Variants in MED15 observed in about 807,000 individuals in gnomAD.
The protein encoded by MED15 is mediator of RNA polymerase II transcription subunit 15.
MED15 carries 41 observed loss-of-function variants against 118.7 expected under a neutral mutation model. That is an observed-to-expected ratio of 0.35 (90% confidence interval 0.27 to 0.45). The LOEUF (loss-of-function observed/expected upper bound fraction) is 0.45. Among genes scored for constraint, MED15 ranks in the 20% least tolerant of loss-of-function variants. The pLI, the probability that MED15 is intolerant of heterozygous loss-of-function variation, is 1.00. For synonymous variants in MED15, 436 were observed against 413.9 expected (o/e 1.05, Z -0.65); for missense variants, 740 against 1,025.5 (o/e 0.72, Z 3.80).
chr22:20,579,576 G>A (rs533176321), intron 9 of MED15, among the ~76,000 whole-genome samples: 1 of 152,102 alleles, frequency 6.6e-6, no homozygotes, highest in Admixed American at 6.5e-5. Flanking sequence ...CTTGCCTGAG[G>A]GTTCCTCTGT....
chr22:20,575,040 GC>G, intron 8 of MED15, 72 bp from the exon 9 acceptor site: 1 of 1,596,700 alleles, frequency 6.3e-7, no homozygotes, highest in Non-Finnish European at 8.5e-7. Context: ...GGCTACACGT[GC>G]CCTCTCCACC....
At chr22:20,533,893 C>T (rs376813199) in intron 1 of MED15, among the ~76,000 whole-genome samples, 3 of 152,284 alleles carry the variant, frequency 2.0e-5, no homozygotes, top group African/African-American at 4.8e-5. Context: ...AGAGCTATTG[C>T]ACTAAGCTGT....
intron 14 of MED15, 200 bp from the exon 15 acceptor site, chr22:20,584,655 G>T: frequency 1.2e-6 from 1 of 843,130 alleles, no homozygotes; most frequent in Non-Finnish European, 1.8e-6. Flanking sequence ...TTTCAGAGGA[G>T]GCAGGGACTG....
chr22:20,554,820 G>A (rs2055924439), intron 4 of MED15, 116 bp from the exon 5 acceptor site: 1 of 1,002,262 alleles, frequency 1.0e-6, no homozygotes, highest in Non-Finnish European at 1.5e-6. Flanking sequence ...TTGGGGCTGT[G>A]AGGGGATTGA....
intron 8 of MED15, among the ~76,000 whole-genome samples, chr22:20,572,720 A>T (rs1268690544): frequency 6.6e-6 from 1 of 152,180 alleles, no homozygotes; most frequent in Non-Finnish European, 1.5e-5. Context: ...GGAGTTCAAA[A>T]CTATCCTGGG....
chr22:20,531,657 C>G (rs1003131962), intron 1 of MED15, among the ~76,000 whole-genome samples: 4 of 152,254 alleles, frequency 2.6e-5, no homozygotes, highest in Admixed American at 1.3e-4. Context: ...CGTGTCCCAT[C>G]AAAATGCATG....
chr22:20,550,282 A>G (rs1037049935), intron 2 of MED15, among the ~76,000 whole-genome samples: 1 of 152,142 alleles, frequency 6.6e-6, no homozygotes, highest in Non-Finnish European at 1.5e-5. Context: ...GGGCGTGTTG[A>G]CAGAACTGCC....
At chr22:20,539,884 C>T (rs79860789) in intron 2 of MED15, among the ~76,000 whole-genome samples, 5,515 of 152,102 alleles carry the variant, frequency 0.036, 302 homozygotes, top group African/African-American at 0.13. Context: ...GGAGTAATGT[C>T]TATTCAGATC....
intron 7 of MED15, among the ~76,000 whole-genome samples, chr22:20,568,311 A>T (rs890262918): frequency 6.6e-6 from 1 of 152,170 alleles, no homozygotes; most frequent in African/African-American, 2.4e-5. Flanking sequence ...GAGACATCCC[A>T]GTGGGAGGGC....
chr22:20,512,786 A>T (rs5756605), intron 1 of MED15, among the ~76,000 whole-genome samples: 8,851 of 142,982 alleles, frequency 0.062, 613 homozygotes, highest in East Asian at 0.38. Flanking sequence ...ACAGAGTCTC[A>T]CTCTGGAGTG....
At chr22:20,585,684 G>C in intron 16 of MED15, 44 bp from the exon 17 acceptor site, 1 of 1,582,322 alleles carries the variant, frequency 6.3e-7, no homozygotes, top group African/African-American at 1.3e-5. Flanking sequence ...GGCAGGGCAG[G>C]CCGGGGCTTG....
At chr22:20,520,802 A>G (rs767323984) in intron 1 of MED15, among the ~76,000 whole-genome samples, 3 of 152,020 alleles carry the variant, frequency 2.0e-5, no homozygotes, top group Non-Finnish European at 4.4e-5. Context: ...CAGTGGTACA[A>G]TCTCGGCTAA....
intron 4 of MED15, among the ~76,000 whole-genome samples, chr22:20,553,604 G>C (rs1435159646): frequency 3.3e-5 from 5 of 152,180 alleles, no homozygotes; most frequent in Non-Finnish European, 7.3e-5. Context: ...TGGGTGCTGT[G>C]GCTCATGCCT....
At chr22:20,514,761 A>G (rs1270668060) in intron 1 of MED15, among the ~76,000 whole-genome samples, 1 of 152,194 alleles carries the variant, frequency 6.6e-6, no homozygotes, top group Non-Finnish European at 1.5e-5. Context: ...CTTCAGAAGG[A>G]TAGGGAGTGC....
At chr22:20,527,756 G>A (rs553040363) in intron 1 of MED15, among the ~76,000 whole-genome samples, 13 of 152,126 alleles carry the variant, frequency 8.5e-5, no homozygotes, top group African/African-American at 2.9e-4. Context: ...TCAGGAGTTC[G>A]AGACTAGCCT....
At chr22:20,573,408 G>C (rs1375979292) in intron 8 of MED15, among the ~76,000 whole-genome samples, 1 of 152,200 alleles carries the variant, frequency 6.6e-6, no homozygotes, top group Non-Finnish European at 1.5e-5. Context: ...ATGTGGCATT[G>C]CTGATTCACA....
intron 1 of MED15, among the ~76,000 whole-genome samples, chr22:20,517,603 A>T (rs2054298782): frequency 6.6e-6 from 1 of 152,102 alleles, no homozygotes; most frequent in African/African-American, 2.4e-5. Flanking sequence ...TTGAAGGCTT[A>T]TCTCCTCCTA....
chr22:20,507,664 A>G lies in MED15; in HGVS notation c.-15A>G, dbSNP rs747160343. The G allele has an allele frequency of 6.1e-5, 99 of 1,613,786 alleles. No individual in the cohort carries two copies. Among genetic ancestry groups the G allele is most frequent in the Middle Eastern group, 1.7e-4 (1 of 6,060 alleles). On this transcript the variant is annotated 5_prime_UTR_variant, in exon 1 of 18. Coordinates refer to ENST00000263205, the MANE Select transcript of MED15 (RefSeq NM_001003891.3). ...GGCCAAGCGGGATACGGGCGGCGGG[A>G]GCTGGGGAACAGGCATGGACGTTTC... is the stretch of plus-strand genomic sequence containing the variant.
intron 1 of MED15, among the ~76,000 whole-genome samples, chr22:20,521,460 G>A (rs1569174306): frequency 6.7e-6 from 1 of 150,208 alleles, no homozygotes; most frequent in Non-Finnish European, 1.5e-5. Flanking sequence ...ACAGTGGCGT[G>A]ATCTTGGCTC....
Sources: gnomAD v4.1 joint callset for allele counts (sites outside exome capture counted in the v4.1 genomes callset) on GRCh38, gnomAD v4.1.1 for gene constraint, MANE v1.5 for transcripts, NCBI Gene and HGNC (gene_info 2026-07-23, HGNC 2026-07-21) for gene names.